The following FANCB variants were observed in gnomAD, a reference collection of about 807,000 sequenced individuals.
FANCB encodes FA complementation group B, also known as Fanconi anemia group B protein.
In FANCB, 5 loss-of-function variants were observed where a neutral mutation model predicts 38.9. That is an observed-to-expected ratio of 0.13 (90% CI 0.07 to 0.27). The LOEUF (loss-of-function observed/expected upper bound fraction) is 0.27. Ranked by LOEUF, FANCB falls within the 10% of genes least tolerant of loss-of-function variation. The probability of loss-of-function intolerance (pLI) is 1.00; values close to 1 mark genes in which losing one functional copy is unlikely to be tolerated. For missense variants in FANCB, 573 were observed against 602.7 expected (o/e 0.95, Z 0.52); for synonymous variants, 236 against 215.4 (o/e 1.10, Z -0.84).
the FANCB span, among the ~76,000 whole-genome samples, chrX:14,827,737 T>A: frequency 1.8e-5 from 2 of 112,142 alleles, no homozygotes; most frequent in Admixed American, 9.5e-5. Context: ...ATATAATTAA[T>A]CCAAAATAAA....
At chrX:14,753,597 A>T in the FANCB span, among the ~76,000 whole-genome samples, 1 of 111,460 alleles carries the variant, frequency 9.0e-6, no homozygotes, top group Admixed American at 9.6e-5. Context: ...CAGTTGGCTG[A>T]ATATCAGCTT....
chrX:14,798,858 G>A, the FANCB span, among the ~76,000 whole-genome samples: 3 of 111,574 alleles, frequency 2.7e-5, no homozygotes, highest in African/African-American at 9.8e-5. Flanking sequence ...AAAATTCCAG[G>A]CAGCAGTTTC....
At chrX:14,710,841 C>T in the FANCB span, among the ~76,000 whole-genome samples, 2 of 111,800 alleles carry the variant, frequency 1.8e-5, no homozygotes, top group African/African-American at 6.5e-5. Context: ...ACAGAGACTC[C>T]ATAAATAGAA....
intron 2 of FANCB, among the ~76,000 whole-genome samples, chrX:14,867,668 C>A (rs2092475879): frequency 9.6e-6 from 1 of 103,921 alleles, no homozygotes; most frequent in African/African-American, 3.5e-5. Context: ...TTGGGCTGGG[C>A]AAGGATTTTT....
chrX:14,691,933 G>A, the FANCB span, among the ~76,000 whole-genome samples: 2 of 112,360 alleles, frequency 1.8e-5, no homozygotes, highest in East Asian at 2.8e-4. Context: ...TGCTGGTGAA[G>A]TAATAGTTAT....
At chrX:14,728,649 G>A in the FANCB span, among the ~76,000 whole-genome samples, 1 of 111,989 alleles carries the variant, frequency 8.9e-6, no homozygotes, top group South Asian at 3.7e-4. Context: ...GGCTTCACCA[G>A]AGATACTGTA....
intron 2 of FANCB, among the ~76,000 whole-genome samples, chrX:14,868,212 T>C (rs967985990): frequency 8.9e-6 from 1 of 111,899 alleles, no homozygotes; most frequent in African/African-American, 3.2e-5. Flanking sequence ...ACTGGGTCTA[T>C]ATCCAAAGGA....
At chrX:14,768,586 T>C in the FANCB span, among the ~76,000 whole-genome samples, 7 of 112,044 alleles carry the variant, frequency 6.2e-5, no homozygotes, top group South Asian at 3.7e-4. Flanking sequence ...TTTCTAAATA[T>C]AAAATCATGT....
the FANCB span, among the ~76,000 whole-genome samples, chrX:14,711,396 A>G: frequency 8.9e-6 from 1 of 112,269 alleles, no homozygotes; most frequent in Non-Finnish European, 1.9e-5. Flanking sequence ...CTGATACGCT[A>G]ATTAGATGAC....
At chrX:14,851,990 G>A (rs1245207963) in intron 6 of FANCB, among the ~76,000 whole-genome samples, 1 of 111,458 alleles carries the variant, frequency 9.0e-6, no homozygotes, top group Admixed American at 9.5e-5. Context: ...GTGACTTGAG[G>A]GAATAAAATG....
chrX:14,782,987 T>TCA, the FANCB span, among the ~76,000 whole-genome samples: 1 of 111,178 alleles, frequency 9.0e-6, no homozygotes, highest in Non-Finnish European at 1.9e-5. Flanking sequence ...CATAATCTGA[T>TCA]ACAGGAACCC....
the FANCB span, among the ~76,000 whole-genome samples, chrX:14,725,925 A>G: frequency 1.8e-5 from 2 of 112,426 alleles, no homozygotes; most frequent in South Asian, 3.6e-4. Flanking sequence ...TGGATGATTC[A>G]TTTTCTGTGA....
At chrX:14,695,340 T>A in the FANCB span, among the ~76,000 whole-genome samples, 1 of 111,805 alleles carries the variant, frequency 8.9e-6, no homozygotes, top group African/African-American at 3.2e-5. Flanking sequence ...TGGGGGGATA[T>A]ATTTTTTCCA....
At chrX:14,726,447 C>T in the FANCB span, among the ~76,000 whole-genome samples, 4 of 112,267 alleles carry the variant, frequency 3.6e-5, no homozygotes, top group Non-Finnish European at 1.9e-5. Context: ...AATTTTTACT[C>T]ACAACAGGTT....
the FANCB span, among the ~76,000 whole-genome samples, chrX:14,761,056 C>G: frequency 2.7e-5 from 3 of 112,147 alleles, no homozygotes; most frequent in Admixed American, 2.8e-4. Context: ...AATTTTACCT[C>G]AACAAAAAAA....
chrX:14,709,827 A>G, the FANCB span, among the ~76,000 whole-genome samples: 1 of 112,179 alleles, frequency 8.9e-6, no homozygotes, highest in Non-Finnish European at 1.9e-5. Flanking sequence ...GATGGTTTAC[A>G]GTGTTCACCT....
the FANCB span, among the ~76,000 whole-genome samples, chrX:14,778,880 A>T: frequency 8.9e-6 from 1 of 112,356 alleles, no homozygotes; most frequent in African/African-American, 3.2e-5. Flanking sequence ...TTCTTTTACC[A>T]CTTCTGTATG....
At chrX:14,794,646 T>C in the FANCB span, among the ~76,000 whole-genome samples, 2 of 112,325 alleles carry the variant, frequency 1.8e-5, no homozygotes, top group African/African-American at 6.5e-5. Context: ...GCCACATAGC[T>C]AGTAAGCTGC....
At chrX:14,706,653 A>G in the FANCB span, among the ~76,000 whole-genome samples, 1 of 111,621 alleles carries the variant, frequency 9.0e-6, no homozygotes, top group Non-Finnish European at 1.9e-5. Flanking sequence ...ACCCCATGAA[A>G]GACCTTTTCC....
Sources: allele counts gnomAD v4.1 joint callset (sites outside exome capture counted in the v4.1 genomes callset), GRCh38; gene constraint gnomAD v4.1.1; transcripts MANE v1.5; gene names NCBI Gene and HGNC (gene_info 2026-07-23, HGNC 2026-07-21).